Variants in DNAJB12 observed in about 807,000 individuals in gnomAD.
DNAJB12 encodes DnaJ heat shock protein family (Hsp40) member B12, also known as dnaJ homolog subfamily B member 12.
DNAJB12 carries 14 observed loss-of-function variants against 40.6 expected under a neutral mutation model. The observed-to-expected ratio is 0.34, with a 90% CI of 0.23 to 0.54. The LOEUF is 0.54. Ranked by LOEUF, DNAJB12 falls within the 20% of genes least tolerant of loss-of-function variation. The pLI is 0.92. For synonymous variants in DNAJB12, 181 were observed against 199.5 expected (o/e 0.91, Z 0.78); for missense variants, 444 against 501.7 (o/e 0.89, Z 1.10).
intron 3 of DNAJB12, among the ~76,000 whole-genome samples, chr10:72,342,075 G>A (rs111510740): frequency 0.023 from 3,561 of 152,298 alleles, 53 homozygotes; most frequent in South Asian, 0.06. Context: ...TTGTGAACTG[G>A]AAAGCAGCAG....
intron 1 of DNAJB12, among the ~76,000 whole-genome samples, chr10:72,350,398 C>CAAAAAAAAAAAAA (rs35316232): frequency 3.6e-5 from 1 of 27,802 alleles, no homozygotes; most frequent in Non-Finnish European, 8.2e-5. Context: ...GACCCTGTCT[C>CAAAAAAAAAAAAA]AAAAAAAAAA....
chr10:72,348,753 T>C (rs1451106287), intron 1 of DNAJB12, among the ~76,000 whole-genome samples: 1 of 152,248 alleles, frequency 6.6e-6, no homozygotes, highest in Non-Finnish European at 1.5e-5. Flanking sequence ...TAGCAAACCC[T>C]GAGAGGGTGC....
In DNAJB12 at chr10:72,334,950, G is replaced by C. The variant is rs1285611725; in HGVS notation, c.*31-333C>G. 4 of 1,175,572 alleles carry C rather than the reference G, an allele frequency of 3.4e-6. No individual in the cohort carries two copies. In the South Asian group the frequency reaches 9.1e-5, roughly 27 times the overall value. The allele number at this position is 1,175,572 out of a possible 1,614,324, so 72.8% of individuals were successfully genotyped here. A position where few individuals can be genotyped will look rare whatever the true frequency, so the allele number is the denominator to read the frequency against. On this transcript the variant is annotated intron_variant, in intron 8 of 8. Coordinates refer to ENST00000444643, the MANE Select transcript of DNAJB12 (RefSeq NM_017626.7). ...CCACCTCTGGCAAACGCTGGGAACAGAGCCCAGCGCCCCCATTCGCCGGGC... is the reference window on the plus strand; with the variant it reads ...CCACCTCTGGCAAACGCTGGGAACACAGCCCAGCGCCCCCATTCGCCGGGC...
intron 1 of DNAJB12, 105 bp from the exon 2 acceptor site, chr10:72,345,232 C>G: frequency 2.9e-6 from 4 of 1,356,972 alleles, no homozygotes; most frequent in Non-Finnish European, 3.0e-6. Context: ...GCAAAGCCAC[C>G]AGCTCCTGCC....
At position 72,335,404 on chromosome 10, in the gene DNAJB12, G is replaced by A. The variant is rs138209271; in HGVS notation, c.*30+376C>T. On this transcript the variant is annotated intron_variant, in intron 8 of 8. Coordinates refer to ENST00000444643, the MANE Select transcript of DNAJB12 (RefSeq NM_017626.7). The surrounding 1 kb of genome is among the most constrained non-coding windows in gnomAD (Gnocchi z 4.4). ...ACCATATGTGATGGCCTAAATACCA[G>A]GGCACGGACAATAGTCTGCTGTGCT... The A allele has an allele frequency of 6.5e-4, 666 of 1,027,340 alleles. 2 individuals are homozygous for A. In the Middle Eastern group the frequency reaches 0.015, roughly 23 times the overall value. The allele number at this position is 1,027,340 out of a possible 1,614,324, so 63.6% of individuals were successfully genotyped here. A position where few individuals can be genotyped will look rare whatever the true frequency, so the allele number is the denominator to read the frequency against.
rs1432733690 is a variant in DNAJB12, at chr10:72,345,039, T to G, written c.222A>C (p.Ala74=). ...TGGCCGAGGGGGCATCGGTCCCACC[T>G]GCTTTCCTGTGGGTGGCATGGGTTG... ...TDTTHATHRK[A]GGTDAPSANG... is the part of the protein sequence containing the mutation. Residue 74 remains alanine, a synonymous_variant, in exon 2 of 9, where the codon GCA becomes GCC. Transcript: ENST00000444643. The G allele has an allele frequency of 6.2e-7, 1 of 1,614,248 alleles. No homozygotes were observed. Among genetic ancestry groups the G allele is most frequent in the South Asian group, 1.1e-5 (1 of 91,092 alleles).
At chr10:72,343,964 AGGCT>A (rs963051758) in intron 2 of DNAJB12, among the ~76,000 whole-genome samples, 2 of 151,898 alleles carry the variant, frequency 1.3e-5, no homozygotes, top group African/African-American at 4.8e-5. Flanking sequence ...CTAATTGCCC[AGGCT>A]GGTCTCAAAC....
intron 1 of DNAJB12, among the ~76,000 whole-genome samples, chr10:72,346,703 T>C (rs968857169): frequency 6.6e-6 from 1 of 151,680 alleles, no homozygotes; most frequent in Non-Finnish European, 1.5e-5. Flanking sequence ...TCAAGTGATC[T>C]GCCCACCTCG....
intron 1 of DNAJB12, among the ~76,000 whole-genome samples, chr10:72,349,942 G>A (rs1352841664): frequency 6.6e-6 from 1 of 152,150 alleles, no homozygotes; most frequent in African/African-American, 2.4e-5. Context: ...GAGGCTGACA[G>A]GCAATGTCAC....
intron 1 of DNAJB12, 57 bp downstream of exon 1, chr10:72,354,708 C>T: frequency 7.0e-7 from 1 of 1,427,074 alleles, no homozygotes. Flanking sequence ...TCGGTCCGTT[C>T]CCGTGTTCCC....
intron 6 of DNAJB12, among the ~76,000 whole-genome samples, chr10:72,337,796 A>C (rs1861518738): frequency 6.6e-6 from 1 of 152,078 alleles, no homozygotes. Context: ...GTTCTTCGTC[A>C]GGGTTGGCAG....
chr10:72,335,567 T>C lies in DNAJB12; in HGVS notation c.*30+213A>G. ...GGAGCCAGGGAGCAGAGCGGAGGAG[T>C]GGGGAGGACAGCATCGCTAGAGGGC... On this transcript the variant is annotated intron_variant, in intron 8 of 8. Coordinates refer to ENST00000444643, the MANE Select transcript of DNAJB12 (RefSeq NM_017626.7). This position sits in a 1 kb window ranked among gnomAD's most constrained non-coding sequence, Gnocchi z 4.4. 7.6e-7 allele frequency: 1 copy of C among 1,315,458 alleles called. No homozygotes were observed. The highest frequency in any genetic ancestry group is 9.7e-7 in the Non-Finnish European group (1 of 1,026,694). 81.5% of individuals were successfully genotyped at this position (1,315,458 alleles called of 1,614,324 possible).
chr10:72,335,236 A>G lies in DNAJB12; in HGVS notation c.*30+544T>C, dbSNP rs1293170999. ...CCACCAAGACTGCCAGCTCCCACCC[A>G]CCTCGTGGCTGCCTGTTCATCTTGC... On this transcript the variant is annotated intron_variant, in intron 8 of 8. Transcript: ENST00000444643. The surrounding 1 kb of genome is among the most constrained non-coding windows in gnomAD (Gnocchi z 4.4). 1.0e-6 allele frequency: 1 copy of G among 985,940 alleles called. No homozygotes were observed. Among genetic ancestry groups the G allele is most frequent in the Non-Finnish European group, 1.2e-6 (1 of 830,292 alleles). The allele number at this position is 985,940 out of a possible 1,614,324, so 61.1% of individuals were successfully genotyped here.
intron 1 of DNAJB12, among the ~76,000 whole-genome samples, chr10:72,348,410 G>T (rs1333892218): frequency 2.0e-5 from 3 of 152,318 alleles, no homozygotes; most frequent in African/African-American, 7.2e-5. Context: ...GGGAAAACAG[G>T]CATCTGGATC....
chr10:72,342,094 G>C (rs2131989629), intron 3 of DNAJB12, among the ~76,000 whole-genome samples: 1 of 152,338 alleles, frequency 6.6e-6, no homozygotes, highest in East Asian at 1.9e-4. Flanking sequence ...AGGAGCTGTG[G>C]GGAAGGGCCA....
chr10:72,345,893 CAAAA>C (rs1247241424), intron 1 of DNAJB12, among the ~76,000 whole-genome samples: 64 of 61,738 alleles, frequency 1.0e-3, no homozygotes, highest in Admixed American at 2.5e-3. Context: ...GGATCTGTCT[CAAAA>C]AAAAAAAAAA....
At position 72,335,412 on chromosome 10, in the gene DNAJB12, A is replaced by G; in HGVS notation, c.*30+368T>C. Reference sequence around the variant, plus strand: ...TGATGGCCTAAATACCAGGGCACGGACAATAGTCTGCTGTGCTGGAGAAAG... The same window carrying G: ...TGATGGCCTAAATACCAGGGCACGGGCAATAGTCTGCTGTGCTGGAGAAAG... On this transcript the variant is annotated intron_variant, in intron 8 of 8. Transcript: ENST00000444643. This position sits in a 1 kb window ranked among gnomAD's most constrained non-coding sequence, Gnocchi z 4.4. The G allele has an allele frequency of 9.6e-7, 1 of 1,036,878 alleles. No homozygotes were observed. The highest frequency in any genetic ancestry group is 1.2e-6 in the Non-Finnish European group (1 of 859,412). 64.2% of individuals were successfully genotyped at this position (1,036,878 alleles called of 1,614,324 possible).
chr10:72,338,386 C>A, intron 5 of DNAJB12, 75 bp from the exon 6 acceptor site: 2 of 1,241,300 alleles, frequency 1.6e-6, no homozygotes, highest in Non-Finnish European at 2.3e-6. Context: ...CACTAGCTCC[C>A]CTAGAATAGT....
At position 72,341,079 on chromosome 10, in the gene DNAJB12, G is replaced by A. The variant is rs375107524; in HGVS notation, c.549C>T (p.His183=). ...FGDDKSQAAR[H]GHGHGDFHRG... ...GGTGGAAATCCCCATGCCCATGGCC[G>A]TGCCGGGCCGCCTGGCTCTTGTCAT... Residue 183 remains histidine, a synonymous_variant, in exon 4 of 9, where the codon CAC becomes CAT. Coordinates refer to ENST00000444643, the MANE Select transcript of DNAJB12 (RefSeq NM_017626.7). The A allele has an allele frequency of 1.2e-4, 186 of 1,614,220 alleles. No homozygotes were observed. The highest frequency in any genetic ancestry group is 1.5e-4 in the Non-Finnish European group (174 of 1,180,046).
Sources: gnomAD v4.1 joint callset for allele counts (sites outside exome capture counted in the v4.1 genomes callset) on GRCh38, gnomAD v4.1.1 for gene constraint, Gnocchi (gnomAD v3.1) non-coding constraint, MANE v1.5 for transcripts, NCBI Gene and HGNC (gene_info 2026-07-23, HGNC 2026-07-21) for gene names.